Variants in CHML observed in about 807,000 individuals in gnomAD.
CHML encodes rab proteins geranylgeranyltransferase component A 2.
Under a neutral mutation model 30.4 loss-of-function variants are expected in CHML, and 20 were observed. That is an observed-to-expected ratio of 0.66 (90% CI 0.46 to 0.95). The LOEUF is 0.95. CHML is among the 40% of genes least tolerant of loss of function. The pLI, the probability that CHML is intolerant of heterozygous loss-of-function variation, is 0.00. For synonymous variants in CHML, 281 were observed against 275.0 expected (o/e 1.02, Z -0.22); for missense variants, 795 against 768.5 (o/e 1.03, Z -0.41).
rs1664753179 is a variant in CHML at position 241,633,895 on chromosome 1, C to T, written c.1872G>A (p.Gln624=). 2 of 1,613,768 alleles carry T rather than the reference C, an allele frequency of 1.2e-6. No individual in the cohort carries two copies. The highest frequency in any genetic ancestry group is 1.3e-5 in the African/African-American group (1 of 74,902). Residue 624 remains glutamine, a synonymous_variant, in exon 2 of 2, where the codon CAG becomes CAA. Transcript: ENST00000366553. ...CATTATTGGTTCCAGGAGCCTCTGG[C>T]TGCTTATCATCACCATCAAAGATAA... ...EDIIFDGDDK[Q]PEAPGTNNVV...
rs976258363 is a variant in CHML, at chr1:241,631,163, C to T, written c.*2633G>A. ...ACAATATCCCCTAAATTTTTAAATGCTTTTTATTGGTATAACTTCTCATTT... is the reference window on the plus strand; with the variant it reads ...ACAATATCCCCTAAATTTTTAAATGTTTTTTATTGGTATAACTTCTCATTT... On this transcript the variant is annotated 3_prime_UTR_variant, in exon 2 of 2. Coordinates refer to ENST00000366553, the MANE Select transcript of CHML (RefSeq NM_001381853.1). 3 of 151,990 alleles carry T rather than the reference C, an allele frequency of 2.0e-5. No individual in the cohort carries two copies. Among genetic ancestry groups the T allele is most frequent in the African/African-American group, 7.2e-5 (3 of 41,418 alleles). 9.4% of individuals were successfully genotyped at this position (151,990 alleles called of 1,614,324 possible). A position where few individuals can be genotyped will look rare whatever the true frequency, so the allele number is the denominator to read the frequency against.
intron 1 of CHML, among the ~76,000 whole-genome samples, chr1:241,637,851 T>C (rs948791106): frequency 4.6e-5 from 7 of 152,126 alleles, no homozygotes; most frequent in Non-Finnish European, 7.4e-5. Flanking sequence ...TTCCAACAGA[T>C]AGGGCAAGCC....
At chr1:241,639,796 G>C in intron 1 of CHML, 86 bp downstream of exon 1, 1 of 1,277,656 alleles carries the variant, frequency 7.8e-7, no homozygotes, top group Admixed American at 3.4e-5. Flanking sequence ...TGCGGGGCGG[G>C]CTGGGGGGCG....
rs757759137 is a variant in CHML, at chr1:241,635,803, G to C, written c.-37C>G. On this transcript the variant is annotated 5_prime_UTR_variant, in exon 2 of 2. Transcript: ENST00000366553. Reference sequence around the variant, plus strand: ...ACAGCGTCTGGTGACAACTGCTGATGAAAGAAATGAGGTGTGATTATGCTG... The same window carrying C: ...ACAGCGTCTGGTGACAACTGCTGATCAAAGAAATGAGGTGTGATTATGCTG... 1 of 1,565,046 alleles carries C rather than the reference G, an allele frequency of 6.4e-7. No individual in the cohort carries two copies. The highest frequency in any genetic ancestry group is 8.7e-7 in the Non-Finnish European group (1 of 1,152,372).
Position 241,634,800 on chromosome 1 carries a change from A to C in CHML, c.967T>G (p.Ser323Ala), listed in dbSNP as rs780236492. The C allele has an allele frequency of 6.2e-7, 1 of 1,613,814 alleles. No homozygotes were observed. Among genetic ancestry groups the C allele is most frequent in the Middle Eastern group, 1.6e-4 (1 of 6,084 alleles). ...EYQAFRQCSF[S>A]EYLKTKKLTP... The stretch of plus-strand genomic sequence containing the variant: ...AGTTTTTTAGTTTTTAAGTATTCTG[A>C]AAATGAACACTGCCTGAAAGCTTGG... Residue 323 changes from serine to alanine, a missense_variant, in exon 2 of 2, where the codon TCA (serine) becomes GCA (alanine). Ser to Ala is a moderately conservative substitution (Grantham distance 99). Transcript: ENST00000366553.
rs759701818 is a variant in CHML at position 241,635,019 on chromosome 1, T to A, written c.748A>T (p.Lys250Ter). ...TCTACATAACGACTAACATCTGATT[T>A]GATTAAAAGATCAATTAGCAATCCT... Reference protein sequence around the residue: ...SQGLLIDLLIKSDVSRYVEFK... With the variant: ...SQGLLIDLLI Residue 250 changes from lysine (K) to a stop codon, truncating the protein, a stop_gained, in exon 2 of 2, where the codon AAA becomes TAA. Transcript: ENST00000366553. LOFTEE classifies it high-confidence loss of function. 1 of 1,613,436 alleles carries A rather than the reference T, an allele frequency of 6.2e-7. No individual in the cohort carries two copies. The highest frequency in any genetic ancestry group is 8.5e-7 in the Non-Finnish European group (1 of 1,179,826).
Position 241,635,227 on chromosome 1 carries a change from C to G in CHML, c.540G>C (p.Lys180Asn), listed in dbSNP as rs1156528154. The G allele has an allele frequency of 6.2e-7, 1 of 1,613,614 alleles. No individual in the cohort carries two copies. The highest frequency in any genetic ancestry group is 2.2e-5 in the East Asian group (1 of 44,878). Reference sequence around the variant, plus strand: ...GCATACAAGTTTTATCTCCACAATACTTTTCCTTCTCCACTGATTCCTCTA... The same window carrying G: ...GCATACAAGTTTTATCTCCACAATAGTTTTCCTTCTCCACTGATTCCTCTA... ...TDVEESVEKE[K>N]YCGDKTCMHT... is the part of the protein sequence containing the mutation. Residue 180 changes from lysine (K) to asparagine (N), a missense_variant, in exon 2 of 2, where the codon AAG becomes AAC. Physicochemically the swap from Lys to Asn is moderately conservative, Grantham distance 94. Transcript: ENST00000366553.
chr1:241,633,093 G>C lies in CHML; in HGVS notation c.*703C>G, dbSNP rs371756278. On this transcript the variant is annotated 3_prime_UTR_variant, in exon 2 of 2. Transcript: ENST00000366553. ...CCTTTGCAATCAACCTCCCCAAAAT[G>C]AGCTTTACAACCACTAATTGAACTC... is the stretch of plus-strand genomic sequence containing the variant. 6.6e-6 allele frequency: 1 copy of C among 152,080 alleles called. No individual in the cohort carries two copies. Among genetic ancestry groups the C allele is most frequent in the Non-Finnish European group, 1.5e-5 (1 of 68,012 alleles). The allele number at this position is 152,080 out of a possible 1,614,324, so 9.4% of individuals were successfully genotyped here.
At chr1:241,639,788 CGGGGCGGGCTGG>C in intron 1 of CHML, 82 bp downstream of exon 1, 1 of 1,072,074 alleles carries the variant, frequency 9.3e-7, no homozygotes, top group African/African-American at 4.3e-5. Context: ...GGAAGCGGTG[CGGGGCGGGCTGG>C]GGGGCGGACG....
At chr1:241,639,765 G>T in intron 1 of CHML, 117 bp downstream of exon 1, 1 of 1,065,944 alleles carries the variant, frequency 9.4e-7, no homozygotes, top group Non-Finnish European at 1.3e-6. Context: ...GGCGGGGGGC[G>T]CGGGGCCGAG....
At chr1:241,637,824 C>G (rs1664957202) in intron 1 of CHML, among the ~76,000 whole-genome samples, 1 of 152,148 alleles carries the variant, frequency 6.6e-6, no homozygotes, top group Non-Finnish European at 1.5e-5. Flanking sequence ...ACTCTTGTGC[C>G]ATCAGACCAA....
rs1305396963 is a variant in CHML at position 241,629,462 on chromosome 1, T to C, written c.*4334A>G. ...TCAAATTGATTTTTTATATCATTTA[T>C]ACACGATCGCTTTATAAATTTGCCT... is the stretch of plus-strand genomic sequence containing the variant. On this transcript the variant is annotated 3_prime_UTR_variant, in exon 2 of 2. Transcript: ENST00000366553. 3 of 152,174 alleles carry C rather than the reference T, an allele frequency of 2.0e-5. No homozygotes were observed. Among genetic ancestry groups the C allele is most frequent in the Admixed American group, 2.0e-4 (3 of 15,284 alleles). 9.4% of individuals were successfully genotyped at this position (152,174 alleles called of 1,614,324 possible). A position where few individuals can be genotyped will look rare whatever the true frequency, so the allele number is the denominator to read the frequency against.
intron 1 of CHML, among the ~76,000 whole-genome samples, chr1:241,638,826 T>A (rs1665001888): frequency 6.6e-6 from 1 of 152,174 alleles, no homozygotes; most frequent in South Asian, 2.1e-4. Context: ...GGTTACTGAA[T>A]AAGAAAATAT....
Position 241,635,489 on chromosome 1 carries a change from T to C in CHML, c.278A>G (p.Asp93Gly). 6.2e-7 allele frequency: 1 copy of C among 1,613,884 alleles called. No homozygotes were observed. Among genetic ancestry groups the C allele is most frequent in the Non-Finnish European group, 8.5e-7 (1 of 1,179,952 alleles). ...TEEAITLRKKDETIQHTEAFC... is the reference protein window; with the variant it reads ...TEEAITLRKKGETIQHTEAFC... ...AGCTTCTGTGTGTTGAATAGTTTCA[T>C]CCTTCTTGCGAAGAGTGATGGCTTC... is the stretch of plus-strand genomic sequence containing the variant. Residue 93 changes from aspartate to glycine, a missense_variant, in exon 2 of 2, where the codon GAT becomes GGT. Physicochemically the swap from Asp to Gly is moderately conservative, Grantham distance 94. Transcript: ENST00000366553.
chr1:241,634,750 T>C lies in CHML; in HGVS notation c.1017A>G (p.Val339=), dbSNP rs1664809088. 6.2e-7 allele frequency: 1 copy of C among 1,613,916 alleles called. No individual in the cohort carries two copies. Among genetic ancestry groups the C allele is most frequent in the African/African-American group, 1.3e-5 (1 of 74,928 alleles). ...KKLTPNLQHF[V]LHSIAMTSES... is the part of the protein sequence containing the mutation. ...CTGATGTCATTGCAATTGAGTGCAG[T>C]ACAAAATGTTGAAGGTTGGGAGTTA... Residue 339 remains valine, a synonymous_variant, in exon 2 of 2, where the codon GTA becomes GTG. Transcript: ENST00000366553.
Position 241,634,494 on chromosome 1 carries a change from A to G in CHML, c.1273T>C (p.Phe425Leu). ...SGRCKAIIDH[F>L]GQRINAKYFI... ...TATTTAGCATTTATTCTTTGACCAA[A>G]GTGATCTATAATTGCTTTACATCGT... Residue 425 changes from phenylalanine (F) to leucine (L), a missense_variant, in exon 2 of 2, where the codon TTT becomes CTT. Coordinates refer to ENST00000366553, the MANE Select transcript of CHML (RefSeq NM_001381853.1). The G allele has an allele frequency of 6.2e-7, 1 of 1,613,878 alleles. No homozygotes were observed. The highest frequency in any genetic ancestry group is 8.5e-7 in the Non-Finnish European group (1 of 1,179,926).
chr1:241,640,299 G>C lies in CHML; in HGVS notation c.-725C>G. 16 of 1,122,308 alleles carry C rather than the reference G, an allele frequency of 1.4e-5. No individual in the cohort carries two copies. Among genetic ancestry groups the C allele is most frequent in the Non-Finnish European group, 1.6e-5 (15 of 921,442 alleles). 69.5% of individuals were successfully genotyped at this position (1,122,308 alleles called of 1,614,324 possible). A position where few individuals can be genotyped will look rare whatever the true frequency, so the allele number is the denominator to read the frequency against. ...TGGCGGGCGGAGGCGCTCAGCTTGC[G>C]GCGGGGCTCGCGGCGCGCTCCGCAC... On this transcript the variant is annotated 5_prime_UTR_variant, in exon 1 of 2. Coordinates refer to ENST00000366553, the MANE Select transcript of CHML (RefSeq NM_001381853.1).
rs922501013 is a variant in CHML at position 241,632,196 on chromosome 1, A to G, written c.*1600T>C. On this transcript the variant is annotated 3_prime_UTR_variant, in exon 2 of 2. Transcript: ENST00000366553. ...TTTAAAAGGGTTTCCCTTTTCACTT[A>G]GTTCTCATTCTCTCTTGTCCACCGC... 6 of 152,354 alleles carry G rather than the reference A, an allele frequency of 3.9e-5. No homozygotes were observed. Among genetic ancestry groups the G allele is most frequent in the African/African-American group, 1.2e-4 (5 of 41,424 alleles). 9.4% of individuals were successfully genotyped at this position (152,354 alleles called of 1,614,324 possible).
At position 241,630,928 on chromosome 1, in the gene CHML, G is replaced by A. The variant is rs1664609221; in HGVS notation, c.*2868C>T. The A allele has an allele frequency of 6.7e-6, 1 of 149,376 alleles. No homozygotes were observed. 9.3% of individuals were successfully genotyped at this position (149,376 alleles called of 1,614,324 possible). On this transcript the variant is annotated 3_prime_UTR_variant, in exon 2 of 2. Coordinates refer to ENST00000366553, the MANE Select transcript of CHML (RefSeq NM_001381853.1). ...TAAATTATTTGTTGCTGTATTGTTT[G>A]CCAATATTTTATTTTGCATTTTGCA...
Sources: gnomAD v4.1 joint callset for allele counts (sites outside exome capture counted in the v4.1 genomes callset) on GRCh38, gnomAD v4.1.1 for gene constraint, MANE v1.5 for transcripts, NCBI Gene and HGNC (gene_info 2026-07-23, HGNC 2026-07-21) for gene names.